SRPK2: variants seen among roughly 807,000 people sequenced by gnomAD.
SRPK2 encodes the protein SFRS protein kinase 2.
A neutral mutation model predicts 90.8 loss-of-function variants in SRPK2; 21 were observed. That is an observed-to-expected ratio of 0.23 (90% CI 0.16 to 0.33). SRPK2 has a LOEUF of 0.33. Ranked by LOEUF, SRPK2 falls within the 10% of genes least tolerant of loss-of-function variation. The pLI, the probability that SRPK2 is intolerant of heterozygous loss-of-function variation, is 1.00. For missense variants in SRPK2, 620 were observed against 869.0 expected (o/e 0.71, Z 3.60); for synonymous variants, 288 against 311.1 (o/e 0.93, Z 0.78).
At chr7:105,395,506 A>G (rs562011469) in intron 1 of SRPK2, among the ~76,000 whole-genome samples, 15 of 152,022 alleles carry the variant, frequency 9.9e-5, no homozygotes, top group East Asian at 3.9e-4. Context: ...AAGGCGGGCG[A>G]ATCACCTGAG....
chr7:105,323,965 C>G (rs1017691454), intron 2 of SRPK2, among the ~76,000 whole-genome samples: 2 of 110,422 alleles, frequency 1.8e-5, no homozygotes, highest in African/African-American at 3.6e-5. Flanking sequence ...TCAGACTATT[C>G]TTTGTGTGTG....
intron 3 of SRPK2, among the ~76,000 whole-genome samples, chr7:105,200,263 T>G (rs1360499608): frequency 2.0e-5 from 3 of 152,100 alleles, no homozygotes; most frequent in Non-Finnish European, 4.4e-5. Flanking sequence ...ATCACACCAC[T>G]GCACTACAGC....
intron 2 of SRPK2, among the ~76,000 whole-genome samples, chr7:105,256,802 G>A (rs1400424411): frequency 6.6e-6 from 1 of 152,190 alleles, no homozygotes; most frequent in East Asian, 1.9e-4. Context: ...ACATCTAGAT[G>A]GTGTCATCAT....
intron 3 of SRPK2, among the ~76,000 whole-genome samples, chr7:105,200,115 A>G (rs1218822236): frequency 6.6e-6 from 1 of 152,164 alleles, no homozygotes; most frequent in East Asian, 1.9e-4. Flanking sequence ...CAGCCTGGCC[A>G]ACATGGTGAA....
chr7:105,199,899 A>T (rs1014841008), intron 3 of SRPK2, among the ~76,000 whole-genome samples: 21 of 50,304 alleles, frequency 4.2e-4, no homozygotes, highest in Non-Finnish European at 1.2e-3. Context: ...TTTAATTTAA[A>T]AAAAAAAAAA....
intron 2 of SRPK2, among the ~76,000 whole-genome samples, chr7:105,371,396 T>G (rs898312191): frequency 1.3e-5 from 2 of 151,928 alleles, no homozygotes; most frequent in African/African-American, 4.8e-5. Context: ...CCCACTGTTT[T>G]GCAAACAGGT....
At chr7:105,230,717 G>A (rs1799320392) in intron 2 of SRPK2, among the ~76,000 whole-genome samples, 1 of 151,922 alleles carries the variant, frequency 6.6e-6, no homozygotes, top group South Asian at 2.1e-4. Flanking sequence ...AAAATAGCTG[G>A]GCAATATGCA....
chr7:105,146,971 G>C lies in SRPK2; in HGVS notation c.622-313C>G, dbSNP rs77655630. ...TATACACAGATTGTCTTCCACCTCTGCCACTCCTGAGACAGCAAGACCAAC... is the reference window on the plus strand; with the variant it reads ...TATACACAGATTGTCTTCCACCTCTCCCACTCCTGAGACAGCAAGACCAAC... On this transcript the variant is annotated intron_variant, in intron 7 of 15. Transcript: ENST00000393651. Among the ~76,000 whole-genome samples the C allele has an allele frequency of 1.9e-3, 291 of 152,250 alleles. 5 individuals are homozygous for C. The East Asian group carries it at 0.051, about 27-fold the overall frequency.
chr7:105,332,286 A>G (rs1370995843), intron 2 of SRPK2, among the ~76,000 whole-genome samples: 1 of 152,210 alleles, frequency 6.6e-6, no homozygotes, highest in Non-Finnish European at 1.5e-5. Context: ...ACAGAACTGT[A>G]AATTTGGTTG....
chr7:105,140,316 T>TGAATAAAAGCA (rs1803522375), intron 11 of SRPK2, among the ~76,000 whole-genome samples: 1 of 152,164 alleles, frequency 6.6e-6, no homozygotes, highest in Non-Finnish European at 1.5e-5. Flanking sequence ...AAAAGGTACT[T>TGAATAAAAGCA]TGAGCTGGTC....
intron 2 of SRPK2, among the ~76,000 whole-genome samples, chr7:105,353,344 T>G (rs1478427038): frequency 6.6e-6 from 1 of 152,064 alleles, no homozygotes; most frequent in East Asian, 1.9e-4. Flanking sequence ...GGTTTTGTTT[T>G]TTTGTGTTTT....
intron 2 of SRPK2, among the ~76,000 whole-genome samples, chr7:105,204,311 T>C (rs1795929385): frequency 6.6e-6 from 1 of 152,224 alleles, no homozygotes; most frequent in Non-Finnish European, 1.5e-5. Context: ...ACATACACTG[T>C]AGCTAAAATA....
chr7:105,298,412 C>A (rs1738185436), intron 2 of SRPK2, among the ~76,000 whole-genome samples: 1 of 152,122 alleles, frequency 6.6e-6, no homozygotes. Context: ...CCACATTTTT[C>A]TTAACTGTTA....
At chr7:105,391,560 C>T (rs1822184359), upstream of SRPK2, among the ~76,000 whole-genome samples, 1 of 151,964 alleles carries the variant, frequency 6.6e-6, no homozygotes, top group African/African-American at 2.4e-5. Context: ...AGTGTAATCT[C>T]AGCATTTTGG....
chr7:105,378,464 A>C (rs1820565147), intron 2 of SRPK2, among the ~76,000 whole-genome samples: 1 of 152,082 alleles, frequency 6.6e-6, no homozygotes, highest in Non-Finnish European at 1.5e-5. Flanking sequence ...AATGACCAAG[A>C]AACATATGAA....
intron 2 of SRPK2, among the ~76,000 whole-genome samples, chr7:105,376,020 GTCTC>G (rs1283356303): frequency 9.2e-6 from 1 of 108,868 alleles, no homozygotes; most frequent in Non-Finnish European, 1.7e-5. Flanking sequence ...TTGAGACAGA[GTCTC>G]TGTCTGCCAC....
At chr7:105,369,191 G>C (rs948631403) in intron 2 of SRPK2, among the ~76,000 whole-genome samples, 8 of 151,036 alleles carry the variant, frequency 5.3e-5, no homozygotes, top group African/African-American at 2.0e-4. Flanking sequence ...CTGTTGCCCA[G>C]GCTGCAGTGA....
At chr7:105,350,513 T>G (rs571687612) in intron 2 of SRPK2, among the ~76,000 whole-genome samples, 13 of 147,666 alleles carry the variant, frequency 8.8e-5, no homozygotes, top group African/African-American at 3.0e-4. Flanking sequence ...ACCCTGTGGT[T>G]GCTACAATTT....
At chr7:105,280,155 C>A (rs1023629124) in intron 2 of SRPK2, among the ~76,000 whole-genome samples, 1 of 152,136 alleles carries the variant, frequency 6.6e-6, no homozygotes, top group Admixed American at 6.5e-5. Flanking sequence ...GTGGCTCACG[C>A]CTGTACCCCA....
Sources: allele counts gnomAD v4.1 joint callset (sites outside exome capture counted in the v4.1 genomes callset), GRCh38; gene constraint gnomAD v4.1.1; transcripts MANE v1.5; gene names NCBI Gene and HGNC (gene_info 2026-07-23, HGNC 2026-07-21).